The following DST variants were observed in gnomAD, a reference collection of about 807,000 sequenced individuals.
DST encodes the protein bullous pemphigoid antigen.
In DST, 253 loss-of-function variants were observed where a neutral mutation model predicts 875.2. The ratio of observed to expected loss-of-function variants is 0.29; its 90% CI spans 0.26 to 0.32. The LOEUF (loss-of-function observed/expected upper bound fraction) is 0.32. Ranked by LOEUF, DST falls within the 10% of genes least tolerant of loss-of-function variation. The pLI, the probability that DST is intolerant of heterozygous loss-of-function variation, is 1.00. For synonymous variants in DST, 3,124 were observed against 3,197.1 expected (o/e 0.98, Z 0.77); for missense variants, 8,287 against 9,111.6 (o/e 0.91, Z 3.68).
rs770524223 is a variant in DST, at chr6:56,614,499, C to T, written c.4930-15G>A. ...TCCAGTGACTTCTGACAGTTGTGAG[C>T]GGTAAGAAAAATATACACTGCATTA... On this transcript the variant is annotated splice_polypyrimidine_tract_variant and intron_variant, in intron 36 of 103. Coordinates refer to ENST00000680361, the MANE Select transcript of DST (RefSeq NM_001374736.1). 7.6e-6 allele frequency: 12 copies of T among 1,583,502 alleles called. No homozygotes were observed. The highest frequency in any genetic ancestry group is 4.5e-5 in the East Asian group (2 of 43,958).
At position 56,627,306 on chromosome 6, in the gene DST, T is replaced by G. The variant is rs762553128; in HGVS notation, c.4639-19A>C. 1 of 1,573,754 alleles carries G rather than the reference T, an allele frequency of 6.4e-7. No individual in the cohort carries two copies. The highest frequency in any genetic ancestry group is 8.7e-7 in the Non-Finnish European group (1 of 1,144,660). On this transcript the variant is annotated intron_variant, in intron 33 of 103. Transcript: ENST00000680361. ...CCAGCATCTATAAATATACACAGTTTAGAACAAAAATGACAAGGAATTCAG... is the reference window on the plus strand; with the variant it reads ...CCAGCATCTATAAATATACACAGTTGAGAACAAAAATGACAAGGAATTCAG...
chr6:56,470,781 AACACACACAC>A (rs67009040), intron 95 of DST, among the ~76,000 whole-genome samples: 1,930 of 141,526 alleles, frequency 0.014, 20 homozygotes, highest in African/African-American at 0.041. Flanking sequence ...TATGCCAGGC[AACACACACAC>A]ACACACACAC....
chr6:56,869,036 C>T (rs1029467914), intron 3 of DST, among the ~76,000 whole-genome samples: 2 of 152,188 alleles, frequency 1.3e-5, no homozygotes, highest in Non-Finnish European at 2.9e-5. Context: ...AAAGCTATGC[C>T]TTGGCAGACG....
At position 56,954,717 on chromosome 6, in the gene DST, GCCCCGCGCCCAGCCCAATGGCTGCGCA is replaced by G. The variant is rs1347588410; in HGVS notation, c.-157_-131del. The G allele has an allele frequency of 3.0e-5, 13 of 439,586 alleles. No individual in the cohort carries two copies. Among genetic ancestry groups the G allele is most frequent in the Non-Finnish European group, 3.7e-5 (12 of 322,424 alleles). The allele number at this position is 439,586 out of a possible 1,614,324, so 27.2% of individuals were successfully genotyped here. A position where few individuals can be genotyped will look rare whatever the true frequency, so the allele number is the denominator to read the frequency against. On this transcript the variant is annotated 5_prime_UTR_variant, in exon 1 of 104. Coordinates refer to ENST00000680361, the MANE Select transcript of DST (RefSeq NM_001374736.1). The stretch of plus-strand genomic sequence containing the variant: ...CAGCGCGTCATGCCTGGCGCTCGCG[GCCCCGCGCCCAGCCCAATGGCTGCGCA>G]CCCCGCGCCAGCCGCGCTACGCGAG...
chr6:56,617,398 A>T (rs779276175), intron 36 of DST: 1 of 1,613,472 alleles, frequency 6.2e-7, no homozygotes, highest in Non-Finnish European at 8.5e-7. Flanking sequence ...TATGCATATC[A>T]TACTGCTTGT....
At chr6:56,570,360 T>C (rs2097761310) in intron 53 of DST, among the ~76,000 whole-genome samples, 1 of 152,158 alleles carries the variant, frequency 6.6e-6, no homozygotes, top group Non-Finnish European at 1.5e-5. Flanking sequence ...GTAGAATCAA[T>C]GGGAGCCTGA....
At chr6:56,511,163 A>G (rs2096467786) in intron 73 of DST, 34 bp downstream of exon 73, 5 of 1,531,868 alleles carry the variant, frequency 3.3e-6, no homozygotes, top group Non-Finnish European at 4.4e-6. Context: ...GTTGTCTGCA[A>G]GAACCCAATT....
intron 2 of DST, among the ~76,000 whole-genome samples, chr6:56,916,831 CAG>C (rs913142345): frequency 1.7e-5 from 2 of 119,914 alleles, no homozygotes; most frequent in African/African-American, 3.1e-5. Context: ...CACAGAGAGA[CAG>C]AGAGAGAAAA....
At chr6:56,755,620 C>G (rs945873071) in intron 4 of DST, among the ~76,000 whole-genome samples, 4 of 152,140 alleles carry the variant, frequency 2.6e-5, no homozygotes, top group Non-Finnish European at 5.9e-5. Flanking sequence ...TTGCTAAACA[C>G]TACTAGCTCA....
chr6:56,770,239 C>T (rs1564087548), intron 4 of DST, among the ~76,000 whole-genome samples: 1 of 152,126 alleles, frequency 6.6e-6, no homozygotes, highest in Admixed American at 6.5e-5. Flanking sequence ...AGAAGTTAGA[C>T]AAATCATGAA....
At chr6:56,595,110 C>T (rs2098348435) in intron 47 of DST, among the ~76,000 whole-genome samples, 1 of 152,142 alleles carries the variant, frequency 6.6e-6, no homozygotes, top group Non-Finnish European at 1.5e-5. Context: ...TCCTTCTGGG[C>T]AATTTCCCAC....
At chr6:56,593,617 A>C in intron 48 of DST, 46 bp downstream of exon 48, 1 of 1,429,588 alleles carries the variant, frequency 7.0e-7, no homozygotes, top group Non-Finnish European at 9.3e-7. Context: ...ATTGAAAACT[A>C]TAATTGCAGA....
chr6:56,746,324 G>A (rs1427885757), intron 4 of DST, among the ~76,000 whole-genome samples: 1 of 152,142 alleles, frequency 6.6e-6, no homozygotes, highest in Admixed American at 6.5e-5. Context: ...AGTGTCCACT[G>A]TAACTTAAAA....
intron 49 of DST, among the ~76,000 whole-genome samples, chr6:56,585,352 T>C (rs1235240329): frequency 1.6e-4 from 24 of 152,348 alleles, no homozygotes; most frequent in Non-Finnish European, 2.6e-4. Flanking sequence ...AATTTATCCA[T>C]TTCTTCTAGA....
chr6:56,529,015 TCA>T (rs2096850446), intron 66 of DST, 90 bp from the exon 67 acceptor site: 3 of 824,796 alleles, frequency 3.6e-6, no homozygotes, highest in Non-Finnish European at 4.0e-6. Context: ...TAATTAGATT[TCA>T]CAGAGACATA....
intron 80 of DST, 100 bp downstream of exon 80, chr6:56,500,980 A>C (rs1412708968): frequency 5.1e-6 from 6 of 1,176,846 alleles, no homozygotes; most frequent in African/African-American, 1.6e-5. Flanking sequence ...TGTCAAAATC[A>C]TAAACTTGAA....
At chr6:56,883,237 C>T (rs1431453811) in intron 3 of DST, among the ~76,000 whole-genome samples, 1 of 152,072 alleles carries the variant, frequency 6.6e-6, no homozygotes. Context: ...CAGCAAAGAA[C>T]AAAAACAGTA....
intron 4 of DST, among the ~76,000 whole-genome samples, chr6:56,760,511 T>A (rs911056431): frequency 2.6e-5 from 4 of 152,220 alleles, no homozygotes; most frequent in African/African-American, 9.6e-5. Context: ...TCAGATCTTT[T>A]GGCCAGAATT....
intron 59 of DST, 106 bp from the exon 60 acceptor site, chr6:56,555,946 TG>T: frequency 1.7e-6 from 2 of 1,209,600 alleles, no homozygotes; most frequent in Non-Finnish European, 2.2e-6. Flanking sequence ...CTCCAGTTTT[TG>T]TTTTTTAGTT....
Sources: allele counts gnomAD v4.1 joint callset (sites outside exome capture counted in the v4.1 genomes callset), GRCh38; gene constraint gnomAD v4.1.1; transcripts MANE v1.5; gene names NCBI Gene and HGNC (gene_info 2026-07-23, HGNC 2026-07-21).